The following RUFY2 variants were observed in gnomAD, a reference collection of about 807,000 sequenced individuals.
RUFY2 encodes RUN and FYVE domain containing 2, also known as RUN and FYVE domain-containing protein 2.
In RUFY2, 49 loss-of-function variants were observed where a neutral mutation model predicts 94.4. The observed-to-expected ratio is 0.52, with a 90% CI of 0.41 to 0.66. The LOEUF is 0.66. Ranked by LOEUF, RUFY2 falls within the 30% of genes least tolerant of loss-of-function variation. The pLI is 0.00. For synonymous variants in RUFY2, 255 were observed against 235.7 expected, an observed-to-expected ratio of 1.08 and a Z score of -0.75; for missense variants, 541 against 692.8, an observed-to-expected ratio of 0.78 and a Z score of 2.46.
intron 15 of RUFY2, among the ~76,000 whole-genome samples, chr10:68,359,387 TATACGTATATATAC>T (rs1208279317): frequency 2.1e-5 from 3 of 145,474 alleles, no homozygotes; most frequent in Admixed American, 6.8e-5. Flanking sequence ...TGTGTGTATA[TATACGTATATATAC>T]ATATATAAAT....
chr10:68,377,155 AT>A (rs375886910), intron 12 of RUFY2, 183 bp from the exon 13 acceptor site: 15,716 of 1,133,726 alleles, frequency 0.014, 41 homozygotes, highest in African/African-American at 0.034. Context: ...TTGTTTTGTG[AT>A]TTTTTTTTTT....
intron 13 of RUFY2, among the ~76,000 whole-genome samples, chr10:68,368,908 C>G (rs992895547): frequency 4.6e-5 from 7 of 152,154 alleles, no homozygotes; most frequent in African/African-American, 7.2e-5. Context: ...AGACAGAAAA[C>G]TCTGGACAAT....
At chr10:68,355,935 A>C (rs1461080315) in intron 15 of RUFY2, among the ~76,000 whole-genome samples, 1 of 151,824 alleles carries the variant, frequency 6.6e-6, no homozygotes, top group African/African-American at 2.4e-5. Flanking sequence ...AAAAGAAAAA[A>C]AAGAAATATT....
rs146443128 is a variant in RUFY2 at position 68,353,521 on chromosome 10, G to A, written c.1599+1832C>T. The stretch of plus-strand genomic sequence containing the variant: ...CAAAAAAAAAAATACAGAGTAAGAC[G>A]GGTTTTGGGGGCTCATGCTTGTAAT... On this transcript the variant is annotated intron_variant, in intron 16 of 17. Transcript: ENST00000602465. 4.0e-5 allele frequency among the ~76,000 whole-genome samples: 6 copies of A among 151,484 alleles called. No individual in the cohort carries two copies. In the East Asian group the frequency reaches 5.9e-4, roughly 15 times the overall value.
In RUFY2 at chr10:68,377,797, C is replaced by T. The variant is rs918385337; in HGVS notation, c.1206-825G>A. The T allele has an allele frequency of 1.2e-5, 12 of 985,004 alleles. No individual in the cohort carries two copies. In the East Asian group the frequency reaches 1.2e-3, roughly 102 times the overall value. 61.0% of individuals were successfully genotyped at this position (985,004 alleles called of 1,614,324 possible). Reference sequence around the variant, plus strand: ...ACCAAGATTCAAAGGATATTAACTCCTTGCAGGAAATCACAAGAGAAATTT... The same window carrying T: ...ACCAAGATTCAAAGGATATTAACTCTTTGCAGGAAATCACAAGAGAAATTT... On this transcript the variant is annotated intron_variant, in intron 12 of 17. Transcript: ENST00000602465.
chr10:68,406,619 G>C (rs926957705), intron 1 of RUFY2: 4 of 833,628 alleles, frequency 4.8e-6, no homozygotes, highest in Non-Finnish European at 7.0e-6. Context: ...CCGCAGGCGC[G>C]CAAGGAGTAC....
chr10:68,380,739 G>A (rs886393264), intron 11 of RUFY2, among the ~76,000 whole-genome samples: 10 of 152,122 alleles, frequency 6.6e-5, no homozygotes, highest in Admixed American at 2.0e-4. Flanking sequence ...GTATATGCCC[G>A]TAGTCCCAAC....
At position 68,396,883 on chromosome 10, in the gene RUFY2, T is replaced by C. The variant is rs1303178167; in HGVS notation, c.297-2A>G. ...GCTCTTGCTCGACCCAGAGGGGTCCTAAAGAGAAGAACCAATTGATCAGAA... is the reference window on the plus strand; with the variant it reads ...GCTCTTGCTCGACCCAGAGGGGTCCCAAAGAGAAGAACCAATTGATCAGAA... On this transcript the variant is annotated splice_acceptor_variant, in intron 3 of 17. Coordinates refer to ENST00000602465, the MANE Select transcript of RUFY2 (RefSeq NM_001330103.2). LOFTEE classifies it high-confidence loss of function. 6.2e-7 allele frequency: 1 copy of C among 1,608,908 alleles called. No homozygotes were observed. The highest frequency in any genetic ancestry group is 8.5e-7 in the Non-Finnish European group (1 of 1,176,028).
intron 6 of RUFY2, 52 bp downstream of exon 6, chr10:68,394,023 T>C (rs1319320840): frequency 6.8e-7 from 1 of 1,475,742 alleles, no homozygotes. Context: ...TAATGATTTG[T>C]AAAGAGCTAT....
chr10:68,347,169 T>C (rs2046338559), intron 16 of RUFY2, among the ~76,000 whole-genome samples: 2 of 152,074 alleles, frequency 1.3e-5, no homozygotes, highest in Non-Finnish European at 2.9e-5. Flanking sequence ...TTAAAAGTTT[T>C]ACATGGCTAT....
At chr10:68,406,753 C>A in intron 1 of RUFY2, 2 of 1,609,038 alleles carry the variant, frequency 1.2e-6, no homozygotes, top group South Asian at 2.2e-5. Flanking sequence ...GGCGGGCTCA[C>A]CCAGGCTCCT....
intron 16 of RUFY2, among the ~76,000 whole-genome samples, chr10:68,347,551 T>C (rs1475414173): frequency 1.3e-5 from 2 of 152,228 alleles, no homozygotes; most frequent in African/African-American, 2.4e-5. Context: ...CCCAAAGTGC[T>C]GGGATTACAG....
chr10:68,341,688 A>G, downstream of RUFY2: 1 of 1,607,196 alleles, frequency 6.2e-7, no homozygotes, highest in African/African-American at 1.3e-5. Flanking sequence ...TGGGTATGTA[A>G]AGTTTTTAAA....
chr10:68,378,470 A>G (rs1482751357), intron 12 of RUFY2: 17 of 1,344,070 alleles, frequency 1.3e-5, no homozygotes, highest in Non-Finnish European at 1.6e-5. Flanking sequence ...ATCCTTTTAG[A>G]ATATTTAATA....
intron 3 of RUFY2, among the ~76,000 whole-genome samples, chr10:68,400,537 A>C (rs749336140): frequency 3.3e-5 from 5 of 150,746 alleles, no homozygotes; most frequent in Non-Finnish European, 7.4e-5. Context: ...TCAGCCAGGC[A>C]TGGTGGCATG....
At chr10:68,405,313 CAA>C (rs386371709) in intron 1 of RUFY2, 139 of 171,106 alleles carry the variant, frequency 8.1e-4, no homozygotes, top group Non-Finnish European at 1.3e-3. Context: ...CTCCGTCTCA[CAA>C]AAAAAAAAAA....
chr10:68,392,151 C>T (rs1294766988), intron 7 of RUFY2, among the ~76,000 whole-genome samples: 1 of 151,662 alleles, frequency 6.6e-6, no homozygotes, highest in Non-Finnish European at 1.5e-5. Context: ...CCTGCCTCAT[C>T]CTCCCGAGTA....
chr10:68,342,183 T>C, downstream of RUFY2: 2 of 625,118 alleles, frequency 3.2e-6, no homozygotes, highest in Non-Finnish European at 5.3e-6. Context: ...AAATATTATT[T>C]GGTAAAGCAA....
rs1165418927 is a variant in RUFY2, at chr10:68,344,387, TAA to T, written c.*1379_*1380del. The T allele has an allele frequency of 6.6e-6, 1 of 152,102 alleles. No individual in the cohort carries two copies. Among genetic ancestry groups the T allele is most frequent in the African/African-American group, 2.4e-5 (1 of 41,412 alleles). The allele number at this position is 152,102 out of a possible 1,614,324, so 9.4% of individuals were successfully genotyped here. ...TGTATTTTTTATAGGCTCACAAACT[TAA>T]AGTGCATGGTTAAAAATTAATGTAA... On this transcript the variant is annotated 3_prime_UTR_variant, in exon 18 of 18. Transcript: ENST00000602465.
Sources: allele counts gnomAD v4.1 joint callset (sites outside exome capture counted in the v4.1 genomes callset), GRCh38; gene constraint gnomAD v4.1.1; transcripts MANE v1.5; gene names NCBI Gene and HGNC (gene_info 2026-07-23, HGNC 2026-07-21).